CMPK2: variants seen among roughly 807,000 people sequenced by gnomAD.
CMPK2 encodes the protein UMP-CMP kinase 2, mitochondrial.
A neutral mutation model predicts 33.4 loss-of-function variants in CMPK2; 32 were observed. The observed-to-expected ratio is 0.96, with a 90% CI of 0.72 to 1.29. The LOEUF (loss-of-function observed/expected upper bound fraction) is 1.29, where lower values mean the gene tolerates loss of function less well. Among genes scored for constraint, CMPK2 ranks in the 50% most tolerant of loss-of-function variants. CMPK2 has a pLI of 0.00. For synonymous variants in CMPK2, 299 were observed against 275.3 expected (o/e 1.09, Z -0.85); for missense variants, 672 against 616.0 (o/e 1.09, Z -0.96).
At position 6,865,884 on chromosome 2, in the gene CMPK2, C is replaced by T. The variant is rs1301023374; in HGVS notation, c.-188G>A. ...CCCTGGGGCTGGGGCGCCCTTCCGG[C>T]CTCTCCTCCTCGCCGCGAGATGTGC... On this transcript the variant is annotated 5_prime_UTR_variant, in exon 1 of 5. Coordinates refer to ENST00000256722, the MANE Select transcript of CMPK2 (RefSeq NM_207315.4). 7.8e-6 allele frequency: 11 copies of T among 1,401,896 alleles called. No homozygotes were observed. Among genetic ancestry groups the T allele is most frequent in the South Asian group, 1.4e-5 (1 of 70,338 alleles). 86.8% of individuals were successfully genotyped at this position (1,401,896 alleles called of 1,614,324 possible).
At chr2:6,841,528 C>A (rs1662234283) in intron 3 of CMPK2, among the ~76,000 whole-genome samples, 1 of 152,176 alleles carries the variant, frequency 6.6e-6, no homozygotes, top group Non-Finnish European at 1.5e-5. Context: ...GGTGAAGGAT[C>A]TTAAGAACTT....
downstream of CMPK2, among the ~76,000 whole-genome samples, chr2:6,845,550 G>A (rs1662336736): frequency 6.6e-6 from 1 of 152,168 alleles, no homozygotes; most frequent in African/African-American, 2.4e-5. Context: ...GGATCCAGAG[G>A]AGCCAGTAGG....
chr2:6,853,430 A>G (rs1662585234), intron 3 of CMPK2, among the ~76,000 whole-genome samples: 1 of 152,156 alleles, frequency 6.6e-6, no homozygotes, highest in South Asian at 2.1e-4. Flanking sequence ...AAGCTAATAT[A>G]GCCTCCATCT....
chr2:6,851,248 G>T, intron 4 of CMPK2: 2 of 1,394,878 alleles, frequency 1.4e-6, no homozygotes, highest in Non-Finnish European at 1.9e-6. Flanking sequence ...CTAGTCCGAT[G>T]ACCTTTGCTT....
At chr2:6,844,215 T>C (rs1434614785), downstream of CMPK2, among the ~76,000 whole-genome samples, 1 of 152,178 alleles carries the variant, frequency 6.6e-6, no homozygotes, top group African/African-American at 2.4e-5. Flanking sequence ...CTCTGTTTTT[T>C]CTCATATTTC....
chr2:6,866,140 G>A, upstream of CMPK2: 1 of 214,044 alleles, frequency 4.7e-6, no homozygotes, highest in Non-Finnish European at 9.7e-6. Flanking sequence ...AGGGGGGCGG[G>A]GGTGCACGCG....
At chr2:6,860,785 T>C (rs1662851273) in intron 3 of CMPK2, among the ~76,000 whole-genome samples, 1 of 152,176 alleles carries the variant, frequency 6.6e-6, no homozygotes, top group African/African-American at 2.4e-5. Context: ...ATTTGTTGAA[T>C]AAGCCAATGA....
chr2:6,842,024 A>G (rs1662246220), intron 3 of CMPK2, among the ~76,000 whole-genome samples: 1 of 152,158 alleles, frequency 6.6e-6, no homozygotes, highest in Non-Finnish European at 1.5e-5. Flanking sequence ...AACTCAGCTA[A>G]TTGAGCACTG....
chr2:6,855,290 A>T (rs559755847), intron 3 of CMPK2, among the ~76,000 whole-genome samples: 3 of 149,176 alleles, frequency 2.0e-5, no homozygotes, highest in Non-Finnish European at 4.5e-5. Context: ...TAAAATGTGT[A>T]GCACTTCCCC....
intron 1 of CMPK2, 112 bp downstream of exon 1, chr2:6,864,910 A>G: frequency 8.4e-6 from 11 of 1,313,160 alleles, no homozygotes. Flanking sequence ...GAACGGAAAT[A>G]AACAAACCAC....
intron 2 of CMPK2, among the ~76,000 whole-genome samples, chr2:6,862,728 T>A (rs1187521715): frequency 6.6e-6 from 1 of 152,238 alleles, no homozygotes; most frequent in Non-Finnish European, 1.5e-5. Flanking sequence ...GGCCATCACC[T>A]GTGCCACATC....
chr2:6,866,078 G>A (rs142966723), upstream of CMPK2: 23 of 268,122 alleles, frequency 8.6e-5, no homozygotes, highest in Admixed American at 3.7e-4. Flanking sequence ...GGTGGCTGGC[G>A]GCCCCGACCC....
In CMPK2 at chr2:6,849,906, C is replaced by T. The variant is rs201592857; in HGVS notation, c.1294G>A (p.Glu432Lys). 1 of 1,614,136 alleles carries T rather than the reference C, an allele frequency of 6.2e-7. No homozygotes were observed. Among genetic ancestry groups the T allele is most frequent in the African/African-American group, 1.3e-5 (1 of 75,036 alleles). ...CTTAATACCGTCTGCAGGACCTTTT[C>T]TCTGGAGGGGCTGGCATCAACCACA... ...CHVVDASPSR[E>K]KVLQTVLSLI... Residue 432 changes from glutamate to lysine, a missense_variant, in exon 5 of 5, where the codon GAA becomes AAA. Physicochemically the swap from Glu to Lys is moderately conservative, Grantham distance 56. Transcript: ENST00000256722.
intron 3 of CMPK2, among the ~76,000 whole-genome samples, chr2:6,856,096 A>G (rs1247203483): frequency 6.6e-6 from 1 of 152,176 alleles, no homozygotes; most frequent in Non-Finnish European, 1.5e-5. Flanking sequence ...CCTCTTTAGA[A>G]TACTTTTTGC....
At position 6,850,120 on chromosome 2, in the gene CMPK2, G is replaced by A. The variant is rs867406762; in HGVS notation, c.1227-147C>T. 43 of 597,666 alleles carry A rather than the reference G, an allele frequency of 7.2e-5. No homozygotes were observed. The South Asian group carries it at 8.1e-4, about 11-fold the overall frequency. The allele number at this position is 597,666 out of a possible 1,614,324, so 37.0% of individuals were successfully genotyped here. A position where few individuals can be genotyped will look rare whatever the true frequency, so the allele number is the denominator to read the frequency against. The stretch of plus-strand genomic sequence containing the variant: ...GTAACTAGCTTTGCCCACAGAAGAC[G>A]TTCATGCATTTTGTTTAACAAATAA... On this transcript the variant is annotated intron_variant, in intron 4 of 4. Transcript: ENST00000256722.
Position 6,864,885 on chromosome 2 carries a change from C to T in CMPK2, c.675+137G>A, listed in dbSNP as rs1438172836. ...AGTTGCCTGGCATACAGGACACCTTCCCTACCTGATTTGTGAACGGAAATA... is the reference window on the plus strand; with the variant it reads ...AGTTGCCTGGCATACAGGACACCTTTCCTACCTGATTTGTGAACGGAAATA... On this transcript the variant is annotated intron_variant, in intron 1 of 4. Transcript: ENST00000256722. 7.2e-6 allele frequency: 9 copies of T among 1,248,218 alleles called. No homozygotes were observed. In the South Asian group the frequency reaches 1.5e-4, roughly 21 times the overall value. 77.3% of individuals were successfully genotyped at this position (1,248,218 alleles called of 1,614,324 possible). A position where few individuals can be genotyped will look rare whatever the true frequency, so the allele number is the denominator to read the frequency against.
upstream of CMPK2, chr2:6,866,437 C>T (rs1434621567): frequency 2.0e-6 from 2 of 985,522 alleles, no homozygotes; most frequent in African/African-American, 3.5e-5. Flanking sequence ...TGTGCACAAG[C>T]TTTTCCCTCT....
chr2:6,847,717 G>C (rs116734524), downstream of CMPK2, among the ~76,000 whole-genome samples: 1,590 of 152,228 alleles, frequency 0.01, 32 homozygotes, highest in African/African-American at 0.037. Context: ...GAATACAGCC[G>C]ATATGAAGAG....
chr2:6,842,339 T>C (rs978247639), intron 3 of CMPK2, among the ~76,000 whole-genome samples: 3 of 152,220 alleles, frequency 2.0e-5, no homozygotes, highest in Non-Finnish European at 4.4e-5. Flanking sequence ...GAGGCGATTA[T>C]CTGTTAGCCA....
Sources: allele counts gnomAD v4.1 joint callset (sites outside exome capture counted in the v4.1 genomes callset), GRCh38; gene constraint gnomAD v4.1.1; transcripts MANE v1.5; gene names NCBI Gene and HGNC (gene_info 2026-07-23, HGNC 2026-07-21).